Variants in MAP4 observed in about 807,000 individuals in gnomAD.
MAP4 encodes microtubule-associated protein 4.
Under a neutral mutation model 170.2 loss-of-function variants are expected in MAP4, and 76 were observed. The ratio of observed to expected loss-of-function variants is 0.45; its 90% CI spans 0.37 to 0.54. MAP4 has a LOEUF of 0.54. Among genes scored for constraint, MAP4 ranks in the 20% least tolerant of loss-of-function variants. The pLI is 0.00. For synonymous variants in MAP4, 909 were observed against 994.5 expected (o/e 0.91, Z 1.62); for missense variants, 2,506 against 2,748.0 (o/e 0.91, Z 1.97).
chr3:47,984,212 G>A, intron 2 of MAP4, among the ~76,000 whole-genome samples: 1 of 151,634 alleles, frequency 6.6e-6, no homozygotes, highest in Admixed American at 6.6e-5. Flanking sequence ...TGCTGGGGCT[G>A]GTATCAAACT....
At position 47,872,093 on chromosome 3, in the gene MAP4, G is replaced by T; in HGVS notation, c.5765C>A (p.Ala1922Glu). ...CCGCTTCTCAGGAGCCTTTGCATCTGCAATGGGCTGGAAATAGGAAAGTGG... is the reference window on the plus strand; with the variant it reads ...CCGCTTCTCAGGAGCCTTTGCATCTTCAATGGGCTGGAAATAGGAAAGTGG... Reference protein sequence around the residue: ...PSKDVKPKPIADAKAPEKRAS... With the variant: ...PSKDVKPKPIEDAKAPEKRAS... Residue 1922 changes from alanine (A) to glutamate (E), a missense_variant, in exon 13 of 21, where the codon GCA becomes GAA. Physicochemically the swap from Ala to Glu is moderately radical, Grantham distance 107. Around this residue, in one of 3 missense-constraint regions of MAP4, gnomAD observed 487 missense variants for 511.6 expected, o/e 0.95. Transcript: ENST00000683076. The T allele has an allele frequency of 6.2e-7, 1 of 1,609,624 alleles. No individual in the cohort carries two copies. Among genetic ancestry groups the T allele is most frequent in the Non-Finnish European group, 8.5e-7 (1 of 1,177,434 alleles).
chr3:47,899,707 T>C (rs1220027289), intron 10 of MAP4, among the ~76,000 whole-genome samples: 3 of 152,244 alleles, frequency 2.0e-5, no homozygotes, highest in Non-Finnish European at 4.4e-5. Context: ...ATGGGTAGTT[T>C]CCTTTTACAC....
intron 17 of MAP4, among the ~76,000 whole-genome samples, chr3:47,859,021 C>T (rs1051923172): frequency 2.6e-5 from 4 of 151,580 alleles, no homozygotes; most frequent in African/African-American, 7.3e-5. Context: ...TCCCAGTACT[C>T]GGGAGGCTGA....
chr3:47,954,341 C>T (rs1426219234), intron 3 of MAP4, among the ~76,000 whole-genome samples: 1 of 152,122 alleles, frequency 6.6e-6, no homozygotes, highest in Admixed American at 6.5e-5. Context: ...GGGAAATCTA[C>T]TATAAATACA....
At chr3:47,920,568 T>C (rs866263765) in intron 5 of MAP4, among the ~76,000 whole-genome samples, 1 of 93,672 alleles carries the variant, frequency 1.1e-5, no homozygotes. Flanking sequence ...TTTTTTTTTT[T>C]AAGACAGGGT....
At chr3:47,998,317 C>T (rs2100097097) in intron 2 of MAP4, among the ~76,000 whole-genome samples, 2 of 152,050 alleles carry the variant, frequency 1.3e-5, no homozygotes, top group South Asian at 2.1e-4. Context: ...CTGATATAAC[C>T]GCAGAATTTT....
intron 12 of MAP4, 129 bp downstream of exon 12, chr3:47,875,556 C>T: frequency 1.2e-6 from 1 of 865,576 alleles, no homozygotes. Context: ...ATCACCCTCT[C>T]CCCCATTTCC....
intron 3 of MAP4, among the ~76,000 whole-genome samples, chr3:47,965,777 A>G (rs1209906949): frequency 6.6e-6 from 1 of 152,122 alleles, no homozygotes; most frequent in East Asian, 1.9e-4. Context: ...TTATTTACAT[A>G]TTCTGGATAT....
At chr3:48,022,662 G>A (rs1424189928) in intron 1 of MAP4, among the ~76,000 whole-genome samples, 3 of 152,034 alleles carry the variant, frequency 2.0e-5, no homozygotes, top group Non-Finnish European at 2.9e-5. Context: ...AGGCTGAGGC[G>A]AGCGGATCAC....
chr3:47,855,727 T>C lies in MAP4; in HGVS notation c.6584-367A>G, dbSNP rs2054592626. Among the ~76,000 whole-genome samples the C allele has an allele frequency of 6.6e-6, 1 of 152,104 alleles. No individual in the cohort carries two copies. Among genetic ancestry groups the C allele is most frequent in the African/African-American group, 2.4e-5 (1 of 41,412 alleles). ...GAATGCCCTCCCGCTAACTGGGCCA[T>C]GCAGTGCTTCTCAGGCACAGCCTCA... On this transcript the variant is annotated intron_variant, in intron 18 of 20. Coordinates refer to ENST00000683076, the MANE Select transcript of MAP4 (RefSeq NM_001385682.1). This position sits in a 1 kb window ranked among gnomAD's most constrained non-coding sequence, Gnocchi z 5.1.
intron 2 of MAP4, among the ~76,000 whole-genome samples, chr3:47,995,251 T>C (rs1385380198): frequency 1.1e-4 from 2 of 17,506 alleles, no homozygotes; most frequent in Admixed American, 4.2e-4. Flanking sequence ...TTTTCTTTTC[T>C]TTTTTTTTTT....
intron 1 of MAP4, among the ~76,000 whole-genome samples, chr3:48,050,047 G>A (rs1056910333): frequency 2.6e-5 from 4 of 151,830 alleles, no homozygotes; most frequent in Non-Finnish European, 5.9e-5. Flanking sequence ...ATCACCGGAG[G>A]TCAAGAGTTT....
At chr3:48,002,954 A>AAAATAAAT (rs55814118) in intron 1 of MAP4, among the ~76,000 whole-genome samples, 41,958 of 144,514 alleles carry the variant, frequency 0.29, 6,992 homozygotes, top group Non-Finnish European at 0.36. Context: ...ATTAAGGCCA[A>AAAATAAAT]AAATAAATAA....
intron 1 of MAP4, among the ~76,000 whole-genome samples, chr3:48,085,135 T>G (rs563908817): frequency 3.3e-5 from 5 of 151,768 alleles, no homozygotes; most frequent in Admixed American, 1.3e-4. Context: ...CTCTCAGATT[T>G]TCTCACATCT....
chr3:47,928,195 A>C, intron 4 of MAP4, 33 bp downstream of exon 4: 1 of 1,609,700 alleles, frequency 6.2e-7, no homozygotes, highest in South Asian at 1.1e-5. Context: ...GTCATAGCAC[A>C]CATTTAGTAG....
chr3:47,961,538 G>A (rs2100071572), intron 3 of MAP4, among the ~76,000 whole-genome samples: 1 of 152,162 alleles, frequency 6.6e-6, no homozygotes, highest in Non-Finnish European at 1.5e-5. Context: ...AAGCTAAGTA[G>A]CCAAAATAAT....
At chr3:48,053,357 G>C (rs2100128899) in intron 1 of MAP4, among the ~76,000 whole-genome samples, 2 of 74,664 alleles carry the variant, frequency 2.7e-5, no homozygotes, top group African/African-American at 1.4e-4. Flanking sequence ...CTAATGCTAG[G>C]GTTCATTGAA....
intron 1 of MAP4, among the ~76,000 whole-genome samples, chr3:48,065,772 T>C (rs1015001026): frequency 5.3e-5 from 8 of 152,128 alleles, no homozygotes; most frequent in Admixed American, 1.3e-4. Context: ...CTGACAGATA[T>C]TAACACCAAG....
intron 3 of MAP4, among the ~76,000 whole-genome samples, chr3:47,929,627 CAAAAAAAAAAAAAA>C (rs71070242): frequency 5.4e-4 from 6 of 11,206 alleles, no homozygotes; most frequent in Non-Finnish European, 8.8e-4. Context: ...ACTTATTATG[CAAAAAAAAAAAAAA>C]AAAAAAAAAA....
Sources: allele counts gnomAD v4.1 joint callset (sites outside exome capture counted in the v4.1 genomes callset), GRCh38; gene constraint gnomAD v4.1.1; regional missense constraint gnomAD v4.1.1; non-coding constraint Gnocchi (gnomAD v3.1); transcripts MANE v1.5; gene names NCBI Gene and HGNC (gene_info 2026-07-23, HGNC 2026-07-21).